Variants in CRYBG1 observed in about 807,000 individuals in gnomAD.
The protein encoded by CRYBG1 is beta/gamma crystallin domain-containing protein 1.
Under a neutral mutation model 189.2 loss-of-function variants are expected in CRYBG1, and 139 were observed. The ratio of observed to expected loss-of-function variants is 0.73; its 90% CI spans 0.64 to 0.85. The LOEUF (loss-of-function observed/expected upper bound fraction) is 0.85, where lower values mean the gene tolerates loss of function less well. CRYBG1 is among the 40% of genes least tolerant of loss of function. The probability of loss-of-function intolerance (pLI) is 0.00; values close to 1 mark genes in which losing one functional copy is unlikely to be tolerated. For synonymous variants in CRYBG1, 1,023 were observed against 1,017.1 expected (o/e 1.01, Z -0.11); for missense variants, 2,611 against 2,675.8 (o/e 0.98, Z 0.53).
chr6:106,471,697 G>A (rs1772235387), intron 2 of CRYBG1, among the ~76,000 whole-genome samples: 1 of 151,888 alleles, frequency 6.6e-6, no homozygotes, highest in African/African-American at 2.4e-5. Flanking sequence ...GAAGTGACGT[G>A]GCAGCCTCTG....
In CRYBG1 at chr6:106,551,818, T is replaced by C. The variant is rs771196947; in HGVS notation, c.5313-34T>C. 5 of 1,600,288 alleles carry C rather than the reference T, an allele frequency of 3.1e-6. No individual in the cohort carries two copies. The Admixed American group carries it at 8.5e-5, about 27-fold the overall frequency. On this transcript the variant is annotated intron_variant, in intron 13 of 21. Transcript: ENST00000633556. ...ATGTGATCGTTTTATATGTAAAATATGAACTCCAACAAGTGATTGCTTTTG... is the reference window on the plus strand; with the variant it reads ...ATGTGATCGTTTTATATGTAAAATACGAACTCCAACAAGTGATTGCTTTTG...
chr6:106,542,469 G>A (rs6941640), intron 10 of CRYBG1, among the ~76,000 whole-genome samples: 87,388 of 150,876 alleles, frequency 0.58, 25,644 homozygotes, highest in East Asian at 0.89. Context: ...TAGCAGAGAT[G>A]AGGTTTCACC....
intron 2 of CRYBG1, among the ~76,000 whole-genome samples, chr6:106,507,098 A>T (rs567308186): frequency 6.6e-6 from 1 of 152,234 alleles, no homozygotes; most frequent in Admixed American, 6.5e-5. Context: ...GTTGAGAATC[A>T]CCTAACAGCA....
intron 1 of CRYBG1, among the ~76,000 whole-genome samples, chr6:106,393,005 C>A (rs1167302683): frequency 6.6e-6 from 1 of 152,132 alleles, no homozygotes; most frequent in African/African-American, 2.4e-5. Context: ...GAACTCCTGA[C>A]CTCAAGTGAT....
chr6:106,505,839 C>T (rs2114515655), intron 2 of CRYBG1, among the ~76,000 whole-genome samples: 1 of 152,032 alleles, frequency 6.6e-6, no homozygotes, highest in East Asian at 1.9e-4. Context: ...ACAGTAATAT[C>T]CAGTTGACTC....
At chr6:106,434,406 A>C (rs954848877) in intron 1 of CRYBG1, among the ~76,000 whole-genome samples, 1 of 152,300 alleles carries the variant, frequency 6.6e-6, no homozygotes, top group African/African-American at 2.4e-5. Flanking sequence ...GACTGTGGGC[A>C]ATTTTTTCCT....
chr6:106,510,899 T>C, intron 2 of CRYBG1, among the ~76,000 whole-genome samples: 1 of 152,230 alleles, frequency 6.6e-6, no homozygotes, highest in Admixed American at 6.5e-5. Flanking sequence ...TTGCAAGTAC[T>C]AGATGTTGAA....
chr6:106,548,925 G>A (rs554608042), intron 13 of CRYBG1, among the ~76,000 whole-genome samples: 1 of 126,968 alleles, frequency 7.9e-6, no homozygotes, highest in Non-Finnish European at 1.6e-5. Context: ...CCCGGTGTGT[G>A]ATGTTCCCCT....
At chr6:106,508,180 C>T (rs552617905) in intron 2 of CRYBG1, among the ~76,000 whole-genome samples, 68 of 152,310 alleles carry the variant, frequency 4.5e-4, no homozygotes, top group African/African-American at 1.6e-3. Context: ...GAGGTTGAGG[C>T]TGCAGTGAGC....
intron 2 of CRYBG1, among the ~76,000 whole-genome samples, chr6:106,462,370 G>T (rs566005286): frequency 6.6e-6 from 1 of 151,698 alleles, no homozygotes; most frequent in Admixed American, 6.6e-5. Context: ...CAGGGTTTAC[G>T]CCGTGGTCTC....
chr6:106,519,529 A>T lies in CRYBG1; in HGVS notation c.2321A>T (p.Asn774Ile), dbSNP rs1173148399. The change falls in exon 4 of 22, where the codon AAT becomes ATT. Residue 774 changes from asparagine to isoleucine, a missense_variant. This residue lies in a region of CRYBG1 where 1,622 missense variants were observed against 1,735.0 expected (regional missense o/e 0.93). Coordinates refer to ENST00000633556, the MANE Select transcript of CRYBG1 (RefSeq NM_001371242.2). ...TRGMNGDSSENQALGPQPNQD... is the reference protein window; with the variant it reads ...TRGMNGDSSEIQALGPQPNQD... ...GGAATGAATGGAGACTCTTCTGAGA[A>T]TCAAGCTCTTGGTCCTCAGCCTAAC... 6.2e-7 allele frequency: 1 copy of T among 1,614,128 alleles called. No individual in the cohort carries two copies.
At chr6:106,567,142 T>A (rs1674918447) in intron 21 of CRYBG1, among the ~76,000 whole-genome samples, 1 of 152,224 alleles carries the variant, frequency 6.6e-6, no homozygotes, top group Non-Finnish European at 1.5e-5. Context: ...CAAAAGATAC[T>A]CTTAAAATAC....
chr6:106,375,115 G>C (rs1383998238), intron 1 of CRYBG1, among the ~76,000 whole-genome samples: 1 of 152,174 alleles, frequency 6.6e-6, no homozygotes, highest in Non-Finnish European at 1.5e-5. Context: ...AGGCGTGGTG[G>C]CTTATGCCTA....
chr6:106,511,660 C>A lies in CRYBG1; in HGVS notation c.543C>A (p.Ser181Arg), dbSNP rs761826417. ...QSSQLKQTDT[S>R]EEGSPRENPR... is the part of the protein sequence containing the mutation. ...GCCAACTGAAGCAAACGGACACAAG[C>A]GAGGAGGGCTCCCCGCGGGAGAATC... is the stretch of plus-strand genomic sequence containing the variant. Residue 181 changes from serine to arginine, a missense_variant, in exon 3 of 22, where the codon AGC (serine) becomes AGA (arginine). Around this residue, in one of 3 missense-constraint regions of CRYBG1, gnomAD observed 985 missense variants for 924.4 expected, o/e 1.07. Coordinates refer to ENST00000633556, the MANE Select transcript of CRYBG1 (RefSeq NM_001371242.2). 4 of 1,535,612 alleles carry A rather than the reference C, an allele frequency of 2.6e-6. No individual in the cohort carries two copies. Among genetic ancestry groups the A allele is most frequent in the Non-Finnish European group, 3.5e-6 (4 of 1,146,644 alleles).
chr6:106,414,365 G>A (rs775443834), intron 1 of CRYBG1, among the ~76,000 whole-genome samples: 4 of 152,254 alleles, frequency 2.6e-5, no homozygotes, highest in Non-Finnish European at 5.9e-5. Context: ...GCCAGAGGAA[G>A]CCTTGTCTAC....
intron 2 of CRYBG1, among the ~76,000 whole-genome samples, chr6:106,475,793 G>C (rs1772322118): frequency 6.6e-6 from 1 of 152,198 alleles, no homozygotes; most frequent in South Asian, 2.1e-4. Flanking sequence ...CTGGCAGAGG[G>C]AAACAAGAGG....
chr6:106,556,311 C>T lies in CRYBG1; in HGVS notation c.5715+414C>T, dbSNP rs145780273. 5.4e-4 allele frequency among the ~76,000 whole-genome samples: 83 copies of T among 152,306 alleles called. 1 individual carries two copies. Among genetic ancestry groups the T allele is most frequent in the African/African-American group, 1.9e-3 (77 of 41,562 alleles). ...TCAACTTGATAGAATGAGCAGAAAG[C>T]AGTATGTCGTCATTGGGTTAATTTG... On this transcript the variant is annotated intron_variant, in intron 17 of 21. Coordinates refer to ENST00000633556, the MANE Select transcript of CRYBG1 (RefSeq NM_001371242.2).
intron 8 of CRYBG1, 22 bp from the exon 9 acceptor site, chr6:106,539,381 T>C: frequency 6.2e-7 from 1 of 1,610,794 alleles, no homozygotes; most frequent in Non-Finnish European, 8.5e-7. Context: ...TCCCTTTCTT[T>C]CCTTCCATGG....
intron 2 of CRYBG1, among the ~76,000 whole-genome samples, chr6:106,507,451 A>G (rs1773156616): frequency 6.6e-6 from 1 of 152,200 alleles, no homozygotes; most frequent in Non-Finnish European, 1.5e-5. Context: ...AACCCTCAGG[A>G]CCCTGCCCAG....
Sources: gnomAD v4.1 joint callset for allele counts (sites outside exome capture counted in the v4.1 genomes callset) on GRCh38, gnomAD v4.1.1 for gene constraint, gnomAD v4.1.1 regional missense constraint, MANE v1.5 for transcripts, NCBI Gene and HGNC (gene_info 2026-07-23, HGNC 2026-07-21) for gene names.